Variants in B4GALNT4 observed in about 807,000 individuals in gnomAD.
The protein encoded by B4GALNT4 is N-acetyl-beta-glucosaminyl-glycoprotein 4-beta-N-acetylgalactosaminyltransferase 1.
A neutral mutation model predicts 110.0 loss-of-function variants in B4GALNT4; 77 were observed. That is an observed-to-expected ratio of 0.70 (90% CI 0.58 to 0.85). The LOEUF is 0.85. B4GALNT4 is among the 40% of genes least tolerant of loss of function. The pLI is 0.00. For missense variants in B4GALNT4, 1,575 were observed against 1,506.0 expected, an observed-to-expected ratio of 1.05 and a Z score of -0.76; for synonymous variants, 785 against 655.5, an observed-to-expected ratio of 1.20 and a Z score of -3.02.
At chr11:371,826 G>T (rs766009312) in intron 1 of B4GALNT4, among the ~76,000 whole-genome samples, 6 of 152,214 alleles carry the variant, frequency 3.9e-5, no homozygotes, top group Non-Finnish European at 7.4e-5. Flanking sequence ...TGGCCCACCC[G>T]GCTTTCCTCC....
At chr11:381,405 G>A (rs1488921891) in intron 19 of B4GALNT4, among the ~76,000 whole-genome samples, 44 of 16,364 alleles carry the variant, frequency 2.7e-3, no homozygotes, top group Middle Eastern at 0.033. Flanking sequence ...CTCCGCCCCC[G>A]GCCCCGGGGT....
rs199911656 is a variant in B4GALNT4 at position 379,897 on chromosome 11, C to T, written c.2520C>T (p.Phe840=). 6.2e-7 allele frequency: 1 copy of T among 1,608,004 alleles called. No individual in the cohort carries two copies. Among genetic ancestry groups the T allele is most frequent in the Non-Finnish European group, 8.5e-7 (1 of 1,178,760 alleles). The change falls in exon 16 of 20, where the codon TTC becomes TTT. Residue 840 remains phenylalanine, a synonymous_variant. Transcript: ENST00000329962. ...VKNQARWVAQ[F]LADMAALHAR... ...ACCAGGCACGGTGGGTGGCACAGTT[C>T]CTGGCGGACATGGCTGCGCTGCACG...
At chr11:378,398 C>T (rs1372904139) in intron 14 of B4GALNT4, among the ~76,000 whole-genome samples, 2 of 152,140 alleles carry the variant, frequency 1.3e-5, no homozygotes, top group Non-Finnish European at 2.9e-5. Context: ...GAGAGCAGCT[C>T]GTCATTTCTT....
intron 14 of B4GALNT4, among the ~76,000 whole-genome samples, chr11:377,570 G>A (rs1046860987): frequency 1.3e-5 from 2 of 152,212 alleles, no homozygotes; most frequent in African/African-American, 4.8e-5. Flanking sequence ...ACCCAGGGCT[G>A]GCGCCCCATC....
chr11:377,691 C>T (rs1033167232), intron 14 of B4GALNT4, among the ~76,000 whole-genome samples: 1 of 152,370 alleles, frequency 6.6e-6, no homozygotes, highest in South Asian at 2.1e-4. Context: ...CAGCCCCATT[C>T]CGGGGGGGCC....
chr11:377,474 C>T, intron 14 of B4GALNT4, 147 bp downstream of exon 14: 1 of 873,030 alleles, frequency 1.1e-6, no homozygotes, highest in Non-Finnish European at 1.6e-6. Flanking sequence ...CGCCCCACCC[C>T]AGGGAAGCCC....
At chr11:377,452 G>C in intron 14 of B4GALNT4, 125 bp downstream of exon 14, 2 of 1,084,746 alleles carry the variant, frequency 1.8e-6, no homozygotes, top group South Asian at 2.1e-5. Context: ...CGGCCTGGGG[G>C]CTGAGGCACC....
In B4GALNT4 at chr11:376,738, C is replaced by G. The variant is rs540054440; in HGVS notation, c.1615C>G (p.Arg539Gly). The G allele has an allele frequency of 9.7e-4, 1,360 of 1,395,226 alleles. 17 individuals carry two copies. The African/African-American group carries it at 0.018, about 19-fold the overall frequency. The allele number at this position is 1,395,226 out of a possible 1,614,324, so 86.4% of individuals were successfully genotyped here. Residue 539 changes from arginine (R) to glycine (G), a missense_variant, in exon 14 of 20, where the codon CGG (arginine) becomes GGG (glycine). Transcript: ENST00000329962. ...RVRPGQRASP[R>G]APAPRAPWPP... ...GCGGCCGGGACAGCGGGCATCCCCC[C>G]GGGCCCCAGCGCCGCGTGCGCCCTG...
At chr11:370,705 G>GC (rs1443792454) in intron 1 of B4GALNT4, among the ~76,000 whole-genome samples, 2 of 152,174 alleles carry the variant, frequency 1.3e-5, no homozygotes, top group Admixed American at 6.5e-5. Flanking sequence ...GGGGCAGAAT[G>GC]CCCCCTCTGG....
chr11:369,656 G>C lies in B4GALNT4; in HGVS notation c.-148G>C, dbSNP rs1316025097. ...GCCTGGGGGGGTCGCGGCCGCACCC[G>C]GTGGCCGCGCACGGCGGACAAAGGA... On this transcript the variant is annotated 5_prime_UTR_variant, in exon 1 of 20. Coordinates refer to ENST00000329962, the MANE Select transcript of B4GALNT4 (RefSeq NM_178537.5). 1.7e-5 allele frequency: 5 copies of C among 301,066 alleles called. No homozygotes were observed. Among genetic ancestry groups the C allele is most frequent in the Non-Finnish European group, 2.4e-5 (5 of 208,670 alleles). 18.6% of individuals were successfully genotyped at this position (301,066 alleles called of 1,614,324 possible). A position where few individuals can be genotyped will look rare whatever the true frequency, so the allele number is the denominator to read the frequency against.
chr11:370,227 A>G lies in B4GALNT4; in HGVS notation c.151+273A>G, dbSNP rs563818938. On this transcript the variant is annotated intron_variant, in intron 1 of 19. Transcript: ENST00000329962. The stretch of plus-strand genomic sequence containing the variant: ...AGTGACGCGCGCGACCCTCCCAGAG[A>G]GGGTCCCTGACTCTGGGATCTGGCT... Among the ~76,000 whole-genome samples, 10 of 151,746 alleles carry G rather than the reference A, an allele frequency of 6.6e-5. No homozygotes were observed. The East Asian group carries it at 1.9e-3, about 30-fold the overall frequency.
At position 369,631 on chromosome 11, in the gene B4GALNT4, G is replaced by A. The variant is rs1261297136; in HGVS notation, c.-173G>A. Among the ~76,000 whole-genome samples, 1 of 144,458 alleles carries A rather than the reference G, an allele frequency of 6.9e-6. No homozygotes were observed. The highest frequency in any genetic ancestry group is 1.5e-5 in the Non-Finnish European group (1 of 65,202). The allele number at this position is 144,458 out of a possible 152,430, so 94.8% of individuals were successfully genotyped here. A position where few individuals can be genotyped will look rare whatever the true frequency, so the allele number is the denominator to read the frequency against. The stretch of plus-strand genomic sequence containing the variant: ...CACCCCGGGCCCGCGGCCGAGGGCG[G>A]CCTGGGGGGGTCGCGGCCGCACCCG... On this transcript the variant is annotated 5_prime_UTR_variant, in exon 1 of 20. Coordinates refer to ENST00000329962, the MANE Select transcript of B4GALNT4 (RefSeq NM_178537.5).
Position 376,941 on chromosome 11 carries a change from G to C in B4GALNT4, c.1818G>C (p.Thr606=). The C allele has an allele frequency of 2.8e-6, 4 of 1,436,470 alleles. No homozygotes were observed. The South Asian group carries it at 4.4e-5, about 16-fold the overall frequency. 89.0% of individuals were successfully genotyped at this position (1,436,470 alleles called of 1,614,324 possible). A position where few individuals can be genotyped will look rare whatever the true frequency, so the allele number is the denominator to read the frequency against. The change falls in exon 14 of 20, where the codon ACG becomes ACC. Residue 606 remains threonine (T), a synonymous_variant. Coordinates refer to ENST00000329962, the MANE Select transcript of B4GALNT4 (RefSeq NM_178537.5). Reference sequence around the variant, plus strand: ...GGGGCCGGGAGGGCCAGGCGCGCACGCTGGGACCTGCGGCGCCCACAGTGG... The same window carrying C: ...GGGGCCGGGAGGGCCAGGCGCGCACCCTGGGACCTGCGGCGCCCACAGTGG... ...TQGGREGQAR[T]LGPAAPTVDS...
chr11:372,578 G>A, intron 2 of B4GALNT4, 84 bp from the exon 3 acceptor site: 2 of 1,158,608 alleles, frequency 1.7e-6, no homozygotes, highest in Non-Finnish European at 1.3e-6. Context: ...TGTTGGAAGG[G>A]GTCTTTGTGA....
rs1484015274 is a variant in B4GALNT4, at chr11:381,849, G to A, written c.*57G>A. On this transcript the variant is annotated 3_prime_UTR_variant, in exon 20 of 20. Coordinates refer to ENST00000329962, the MANE Select transcript of B4GALNT4 (RefSeq NM_178537.5). ...GTCCCGAGGCAGCTGCTGGGGGCTG[G>A]GCTTTGAGCTCGGTCCCGAGAGACC... 60 of 1,497,834 alleles carry A rather than the reference G, an allele frequency of 4.0e-5. No individual in the cohort carries two copies. Among genetic ancestry groups the A allele is most frequent in the Non-Finnish European group, 5.2e-5 (58 of 1,125,672 alleles). The allele number at this position is 1,497,834 out of a possible 1,614,324, so 92.8% of individuals were successfully genotyped here.
chr11:380,292 G>C lies in B4GALNT4; in HGVS notation c.2716G>C (p.Asp906His). ...GGCTCAGACCTCCCGCACCCCCCAG[G>C]ACGCCAGCAGCATCGTGTTCCTCTG... ...GLQAGVDAVEDASSIVFLCDL... is the reference protein window; with the variant it reads ...GLQAGVDAVEHASSIVFLCDL... Residue 906 changes from aspartate to histidine, a missense_variant and splice_region_variant, in exon 18 of 20, where the codon GAC (aspartate) becomes CAC (histidine). By Grantham distance (81) the Asp-to-His change is moderately conservative. Transcript: ENST00000329962. The C allele has an allele frequency of 6.2e-7, 1 of 1,612,956 alleles. No homozygotes were observed. The highest frequency in any genetic ancestry group is 8.5e-7 in the Non-Finnish European group (1 of 1,179,624).
In B4GALNT4 at chr11:380,461, T is replaced by TC. The variant is rs111901818; in HGVS notation, c.2869+19dup. The TC allele has an allele frequency of 0.077, 121,673 of 1,573,390 alleles. 5,388 individuals are homozygous for TC. The highest frequency in any genetic ancestry group is 0.16 in the Admixed American group (8,869 of 54,528). The stretch of plus-strand genomic sequence containing the variant: ...GACCCCCACGGTGAGGCCCCGAGCG[T>TC]CCCACCCTGTGATACCAGGGTTCCC... On this transcript the variant is annotated intron_variant, in intron 18 of 19. Transcript: ENST00000329962.
intron 18 of B4GALNT4, 118 bp from the exon 19 acceptor site, chr11:380,707 C>T (rs1474818720): frequency 2.0e-6 from 3 of 1,515,182 alleles, no homozygotes; most frequent in African/African-American, 1.4e-5. Flanking sequence ...CTCCCGGAAG[C>T]CCCCGTGGTG....
intron 19 of B4GALNT4, among the ~76,000 whole-genome samples, chr11:381,347 G>A (rs1295680993): frequency 5.1e-5 from 7 of 137,580 alleles, no homozygotes; most frequent in Non-Finnish European, 7.9e-5. Context: ...CCCCGGCCCC[G>A]GGGTCCTGAC....
Sources: allele counts gnomAD v4.1 joint callset (sites outside exome capture counted in the v4.1 genomes callset), GRCh38; gene constraint gnomAD v4.1.1; transcripts MANE v1.5; gene names NCBI Gene and HGNC (gene_info 2026-07-23, HGNC 2026-07-21).